HYDIN: variants seen among roughly 807,000 people sequenced by gnomAD.
HYDIN encodes the protein axonemal central pair apparatus protein HYDIN.
In HYDIN, 132 loss-of-function variants were observed where a neutral mutation model predicts 403.9. The observed-to-expected ratio is 0.33, with a 90% confidence interval of 0.28 to 0.38. The LOEUF (loss-of-function observed/expected upper bound fraction) is 0.38. Ranked by LOEUF, HYDIN falls within the 10% of genes least tolerant of loss-of-function variation. HYDIN has a pLI of 1.00. For synonymous variants in HYDIN, 1,202 were observed against 1,891.7 expected, an observed-to-expected ratio of 0.64 and a Z score of 9.46; for missense variants, 2,827 against 5,009.5, an observed-to-expected ratio of 0.56 and a Z score of 13.15.
intron 45 of HYDIN, among the ~76,000 whole-genome samples, chr16:70,934,031 G>T (rs1211354528): frequency 6.6e-6 from 1 of 152,304 alleles, no homozygotes; most frequent in Admixed American, 6.5e-5. Flanking sequence ...GGAGAAGGAG[G>T]AAAGCCAGAA....
intron 10 of HYDIN, among the ~76,000 whole-genome samples, chr16:71,101,797 C>T (rs888681629): frequency 3.9e-5 from 6 of 152,048 alleles, no homozygotes; most frequent in African/African-American, 1.4e-4. Flanking sequence ...CCTAGTAAAC[C>T]TGAGTGTATA....
chr16:71,196,077 T>C (rs766078490), intron 1 of HYDIN, among the ~76,000 whole-genome samples: 1 of 152,226 alleles, frequency 6.6e-6, no homozygotes, highest in Non-Finnish European at 1.5e-5. Context: ...TCATGACTCA[T>C]ACCAAGAATC....
chr16:71,019,007 C>A (rs1302409821), intron 22 of HYDIN, among the ~76,000 whole-genome samples: 2 of 150,558 alleles, frequency 1.3e-5, no homozygotes, highest in Non-Finnish European at 3.0e-5. Flanking sequence ...TGTCAGCAAT[C>A]CTAACTTTTA....
intron 47 of HYDIN, among the ~76,000 whole-genome samples, chr16:70,913,451 G>A (rs1185750748): frequency 6.6e-6 from 1 of 150,418 alleles, no homozygotes; most frequent in Non-Finnish European, 1.5e-5. Context: ...GTTCCTTCTG[G>A]AGTTGATTTC....
chr16:70,950,317 C>T (rs1388563624), intron 41 of HYDIN, among the ~76,000 whole-genome samples: 2 of 151,848 alleles, frequency 1.3e-5, no homozygotes, highest in East Asian at 3.8e-4. Flanking sequence ...GTGGTGCCAT[C>T]TTGGCTCACT....
rs371387660 is a variant in HYDIN at position 71,020,679 on chromosome 16, G to C, written c.3187-362C>G. On this transcript the variant is annotated intron_variant, in intron 21 of 85. Coordinates refer to ENST00000393567, the MANE Select transcript of HYDIN (RefSeq NM_001270974.2). The stretch of plus-strand genomic sequence containing the variant: ...CAAAAATTAGCCAGTCATGGTGGCA[G>C]GCACCTGTAATCCCAGCTACTTGGG... 3.4e-4 allele frequency among the ~76,000 whole-genome samples: 52 copies of C among 151,802 alleles called. No homozygotes were observed. In the South Asian group the frequency reaches 9.4e-3, roughly 28 times the overall value.
At chr16:71,025,926 A>T (rs2080676611) in intron 20 of HYDIN, among the ~76,000 whole-genome samples, 1 of 148,674 alleles carries the variant, frequency 6.7e-6, no homozygotes, top group Admixed American at 6.7e-5. Context: ...TTTCAGATGG[A>T]GTTTGCTCTT....
chr16:70,997,179 G>A (rs1353192012), intron 23 of HYDIN, among the ~76,000 whole-genome samples: 1 of 146,466 alleles, frequency 6.8e-6, no homozygotes, highest in East Asian at 2.0e-4. Flanking sequence ...AAGAGCTCAG[G>A]TAGTAATGCG....
chr16:71,109,583 CAG>C (rs1265081340), intron 10 of HYDIN, among the ~76,000 whole-genome samples: 1 of 127,306 alleles, frequency 7.9e-6, no homozygotes, highest in Non-Finnish European at 1.5e-5. Context: ...TGAAAAGACA[CAG>C]AGAATTGCAC....
At chr16:70,825,256 T>C (rs2036522130) in intron 83 of HYDIN, among the ~76,000 whole-genome samples, 1 of 152,186 alleles carries the variant, frequency 6.6e-6, no homozygotes, top group Admixed American at 6.5e-5. Context: ...TCCTCTAGAA[T>C]CATTTAGGAC....
intron 16 of HYDIN, among the ~76,000 whole-genome samples, chr16:71,064,071 A>C (rs4788516): frequency 0.09 from 7,673 of 84,914 alleles, 588 homozygotes; most frequent in Middle Eastern, 0.2. Flanking sequence ...GAATATTGTA[A>C]TTCTATAACT....
rs1258657224 is a variant in HYDIN, at chr16:71,062,170, A to G, written c.2375T>C (p.Leu792Ser). The change falls in exon 17 of 86, where the codon TTG becomes TCG. Residue 792 changes from leucine (L) to serine (S), a missense_variant and splice_region_variant. Coordinates refer to ENST00000393567, the MANE Select transcript of HYDIN (RefSeq NM_001270974.2). ...ISIFGSQDPP[L>S]VCHLKSAGEG... ...GCAGTTCTGAAAATGGACTCTCACC[A>G]AAGGGGGGTCCTGGCTCCCAAAGAT... is the stretch of plus-strand genomic sequence containing the variant. The G allele has an allele frequency of 1.4e-5, 17 of 1,258,840 alleles. No individual in the cohort carries two copies. The highest frequency in any genetic ancestry group is 1.9e-5 in the Non-Finnish European group (17 of 896,866). The allele number at this position is 1,258,840 out of a possible 1,614,324, so 78.0% of individuals were successfully genotyped here.
At chr16:71,090,415 T>C (rs1373968592) in intron 11 of HYDIN, 1 of 151,434 alleles carries the variant, frequency 6.6e-6, no homozygotes, top group African/African-American at 2.4e-5. Flanking sequence ...TAAAATTAAA[T>C]TTATTAATTT....
chr16:71,191,790 G>C (rs989501634), intron 1 of HYDIN, among the ~76,000 whole-genome samples: 4 of 152,074 alleles, frequency 2.6e-5, no homozygotes, highest in Admixed American at 1.3e-4. Context: ...CTTCCACTTA[G>C]GGTGTCCACA....
At chr16:71,080,559 TCTCTCTC>T (rs2082755500) in intron 12 of HYDIN, among the ~76,000 whole-genome samples, 1 of 123,910 alleles carries the variant, frequency 8.1e-6, no homozygotes, top group Non-Finnish European at 1.6e-5. Context: ...TTGGTCTATT[TCTCTCTC>T]AGTGTAAGGC....
chr16:71,219,334 G>A (rs2089067578), intron 1 of HYDIN, among the ~76,000 whole-genome samples: 1 of 152,006 alleles, frequency 6.6e-6, no homozygotes, highest in Non-Finnish European at 1.5e-5. Context: ...GCAGATTTAT[G>A]CATTGCCAGT....
rs531269071 is a variant in HYDIN, at chr16:71,204,240, C to CA, written c.-23-17323dup. On this transcript the variant is annotated intron_variant, in intron 1 of 85. Transcript: ENST00000393567. ...ATCTTGTTTGTTAACCAAATTCTGA[C>CA]AAAAAAGTAACACCTGGGAATCAGA... is the stretch of plus-strand genomic sequence containing the variant. Among the ~76,000 whole-genome samples, 463 of 152,204 alleles carry CA rather than the reference C, an allele frequency of 3.0e-3. 4 individuals are homozygous for CA. The highest frequency in any genetic ancestry group is 5.2e-3 in the Non-Finnish European group (353 of 68,002).
At chr16:70,997,162 C>T (rs2079557666) in intron 23 of HYDIN, among the ~76,000 whole-genome samples, 2 of 148,850 alleles carry the variant, frequency 1.3e-5, no homozygotes, top group African/African-American at 5.0e-5. Context: ...GGATACCTGA[C>T]AGGAGGAAGA....
At chr16:71,223,168 C>G (rs927295072) in intron 1 of HYDIN, among the ~76,000 whole-genome samples, 3 of 152,104 alleles carry the variant, frequency 2.0e-5, no homozygotes, top group East Asian at 1.9e-4. Context: ...AAAATAAAGC[C>G]AAATAATTAC....
Sources: allele counts gnomAD v4.1 joint callset (sites outside exome capture counted in the v4.1 genomes callset), GRCh38; gene constraint gnomAD v4.1.1; transcripts MANE v1.5; gene names NCBI Gene and HGNC (gene_info 2026-07-23, HGNC 2026-07-21).